Variants in FAM118A observed in about 807,000 individuals in gnomAD.
FAM118A encodes the protein SIR2 antiphage like 2, also known as protein FAM118A.
Under a neutral mutation model 38.2 loss-of-function variants are expected in FAM118A, and 25 were observed. The observed-to-expected ratio is 0.65, with a 90% CI of 0.48 to 0.91. FAM118A has a LOEUF of 0.91. Ranked by LOEUF, FAM118A falls within the 40% of genes least tolerant of loss-of-function variation. FAM118A has a pLI of 0.00. For missense variants in FAM118A, 425 were observed against 463.3 expected, an observed-to-expected ratio of 0.92 and a Z score of 0.76; for synonymous variants, 178 against 184.1, an observed-to-expected ratio of 0.97 and a Z score of 0.27.
At chr22:45,310,695 C>T (rs2084325620) in intron 1 of FAM118A, among the ~76,000 whole-genome samples, 1 of 152,106 alleles carries the variant, frequency 6.6e-6, no homozygotes. Flanking sequence ...AAGACGGTAA[C>T]AGCGCGCCCG....
At chr22:45,335,870 GTCC>G (rs2086052111) in intron 7 of FAM118A, among the ~76,000 whole-genome samples, 1 of 152,304 alleles carries the variant, frequency 6.6e-6, no homozygotes, top group Admixed American at 6.5e-5. Flanking sequence ...GGCCATGAGC[GTCC>G]TCCTGTGTGT....
intron 8 of FAM118A, among the ~76,000 whole-genome samples, chr22:45,337,454 A>G (rs2086187132): frequency 6.6e-6 from 1 of 152,020 alleles, no homozygotes; most frequent in Non-Finnish European, 1.5e-5. Context: ...TTATTGTTTA[A>G]TATTGGGGCT....
At chr22:45,320,006 A>T (rs226493) in intron 1 of FAM118A, among the ~76,000 whole-genome samples, 1 of 152,044 alleles carries the variant, frequency 6.6e-6, no homozygotes, top group Non-Finnish European at 1.5e-5. Context: ...GGACTTAGGT[A>T]GTTGTTTACA....
chr22:45,315,921 A>C (rs963204179), intron 1 of FAM118A, among the ~76,000 whole-genome samples: 4 of 152,188 alleles, frequency 2.6e-5, no homozygotes, highest in African/African-American at 9.7e-5. Flanking sequence ...CCTTGTTTCC[A>C]GTTCAGGTGA....
intron 8 of FAM118A, 98 bp from the exon 9 acceptor site, chr22:45,340,288 A>T: frequency 6.9e-7 from 1 of 1,443,968 alleles, no homozygotes; most frequent in Non-Finnish European, 9.7e-7. Flanking sequence ...CGTACATAAG[A>T]ACAATTGTAA....
In FAM118A at chr22:45,337,897, G is replaced by A. The variant is rs148605182; in HGVS notation, c.1054+1486G>A. 285 of 985,328 alleles carry A rather than the reference G, an allele frequency of 2.9e-4. 3 individuals are homozygous for A. The African/African-American group carries it at 4.5e-3, about 15-fold the overall frequency. The allele number at this position is 985,328 out of a possible 1,614,324, so 61.0% of individuals were successfully genotyped here. The stretch of plus-strand genomic sequence containing the variant: ...TGGGATTCTCCGTTGTGATTCCCCC[G>A]GACTCCACTGTCTGAAGACCAGGTT... On this transcript the variant is annotated intron_variant, in intron 8 of 8. Transcript: ENST00000441876.
At chr22:45,339,742 T>C (rs1441911305) in intron 8 of FAM118A, among the ~76,000 whole-genome samples, 1 of 152,240 alleles carries the variant, frequency 6.6e-6, no homozygotes, top group Admixed American at 6.5e-5. Flanking sequence ...TCTTCTGCTG[T>C]TGCTGCTGTT....
Position 45,327,856 on chromosome 22 carries a change from C to T in FAM118A, c.315C>T (p.Ala105=). 6.2e-7 allele frequency: 1 copy of T among 1,614,250 alleles called. No homozygotes were observed. The highest frequency in any genetic ancestry group is 8.5e-7 in the Non-Finnish European group (1 of 1,180,050). ...CCTTTTTGTAGCGCACAGGCGATGCCAAGCCCAGCTTCTTCCAGGACTGCC... is the reference window on the plus strand; with the variant it reads ...CCTTTTTGTAGCGCACAGGCGATGCTAAGCCCAGCTTCTTCCAGGACTGCC... ...IRKMSPRTGD[A]KPSFFQDCLM... The change falls in exon 4 of 9, where the codon GCC becomes GCT. Residue 105 remains alanine, a synonymous_variant. Transcript: ENST00000441876.
intron 7 of FAM118A, among the ~76,000 whole-genome samples, chr22:45,335,821 G>C (rs780086427): frequency 2.4e-4 from 37 of 152,324 alleles, no homozygotes; most frequent in Middle Eastern, 6.8e-3. Flanking sequence ...TTCTTGCTGG[G>C]CTCAATTCTG....
At chr22:45,328,455 C>T (rs757119767) in intron 4 of FAM118A, 1 of 905,282 alleles carries the variant, frequency 1.1e-6, no homozygotes, top group Admixed American at 1.7e-5. Context: ...GAGCTGCTCT[C>T]ACTTTGTAGC....
At position 45,331,566 on chromosome 22, in the gene FAM118A, G is replaced by C. The variant is rs144021702; in HGVS notation, c.651+835G>C. On this transcript the variant is annotated intron_variant, in intron 5 of 8. Transcript: ENST00000441876. ...TGAGGTCTTCCTGATGCCCTAGAAT[G>C]CAGTGTGGAAAAGCTGTGCTTCTGG... 1.1e-3 allele frequency among the ~76,000 whole-genome samples: 165 copies of C among 152,176 alleles called. 1 individual carries two copies. The highest frequency in any genetic ancestry group is 2.1e-3 in the Non-Finnish European group (141 of 68,002).
Position 45,331,079 on chromosome 22 carries a change from A to G in FAM118A, c.651+348A>G, listed in dbSNP as rs554364335. On this transcript the variant is annotated intron_variant, in intron 5 of 8. Transcript: ENST00000441876. ...AGTGAAACTCCTCAGCATGACATATAGGCCCCGTGCAGTCTAGAATGTTGT... is the reference window on the plus strand; with the variant it reads ...AGTGAAACTCCTCAGCATGACATATGGGCCCCGTGCAGTCTAGAATGTTGT... Among the ~76,000 whole-genome samples the G allele has an allele frequency of 1.4e-4, 21 of 152,264 alleles. No individual in the cohort carries two copies. The South Asian group carries it at 3.5e-3, about 26-fold the overall frequency.
rs139521541 is a variant in FAM118A, at chr22:45,340,320, C to A, written c.1055-66C>A. On this transcript the variant is annotated intron_variant, in intron 8 of 8. Transcript: ENST00000441876. The stretch of plus-strand genomic sequence containing the variant: ...GTAAAGCAGTTTCTGAAATAGAAAT[C>A]TATTGCAAATAACTTCTTTTAGCTG... 150 of 1,580,692 alleles carry A rather than the reference C, an allele frequency of 9.5e-5. No homozygotes were observed. The East Asian group carries it at 3.2e-3, about 34-fold the overall frequency.
intron 1 of FAM118A, among the ~76,000 whole-genome samples, chr22:45,320,049 C>T (rs749276247): frequency 6.6e-6 from 1 of 152,216 alleles, no homozygotes; most frequent in African/African-American, 2.4e-5. Flanking sequence ...CCATTTAGCT[C>T]TGCGATCTAA....
At chr22:45,313,378 A>C (rs978591251) in intron 1 of FAM118A, among the ~76,000 whole-genome samples, 8 of 145,968 alleles carry the variant, frequency 5.5e-5, no homozygotes, top group Non-Finnish European at 8.9e-5. Context: ...GCTGGAGTGC[A>C]ATGGTGCGAT....
chr22:45,325,314 T>C (rs2085184039), intron 3 of FAM118A, among the ~76,000 whole-genome samples: 1 of 152,180 alleles, frequency 6.6e-6, no homozygotes, highest in Non-Finnish European at 1.5e-5. Context: ...GGTGAGGCTG[T>C]CGACACAGCT....
intron 3 of FAM118A, among the ~76,000 whole-genome samples, chr22:45,327,456 C>T (rs774872825): frequency 6.6e-6 from 1 of 152,148 alleles, no homozygotes; most frequent in Non-Finnish European, 1.5e-5. Flanking sequence ...TCTTGCTGAC[C>T]TGGGACGTAC....
chr22:45,337,938 C>G (rs1314666704), intron 8 of FAM118A: 1 of 972,214 alleles, frequency 1.0e-6, no homozygotes, highest in Non-Finnish European at 1.2e-6. Flanking sequence ...TGAAGAGGGT[C>G]TGATGGGAAC....
chr22:45,322,793 AG>A, intron 2 of FAM118A, among the ~76,000 whole-genome samples: 1 of 152,348 alleles, frequency 6.6e-6, no homozygotes, highest in Admixed American at 6.5e-5. Context: ...GCAGGAAACC[AG>A]CATTTGCCAG....
Sources: allele counts gnomAD v4.1 joint callset (sites outside exome capture counted in the v4.1 genomes callset), GRCh38; gene constraint gnomAD v4.1.1; transcripts MANE v1.5; gene names NCBI Gene and HGNC (gene_info 2026-07-23, HGNC 2026-07-21).